PDS5B: variants seen among roughly 807,000 people sequenced by gnomAD.
PDS5B encodes PDS5 cohesin associated factor B.
PDS5B carries 51 observed loss-of-function variants against 184.1 expected under a neutral mutation model. That is an observed-to-expected ratio of 0.28 (90% confidence interval 0.22 to 0.35). The LOEUF is 0.35. PDS5B is among the 10% of genes least tolerant of loss of function. PDS5B has a pLI of 1.00. For synonymous variants in PDS5B, 566 were observed against 569.2 expected, an observed-to-expected ratio of 0.99 and a Z score of 0.08; for missense variants, 1,180 against 1,723.3, an observed-to-expected ratio of 0.68 and a Z score of 5.58.
intron 12 of PDS5B, 55 bp from the exon 13 acceptor site, chr13:32,688,401 C>T: frequency 1.2e-6 from 1 of 833,734 alleles, no homozygotes. Flanking sequence ...ATTTTATATA[C>T]AACTTTAGAA....
At chr13:32,724,726 C>T (rs972489472) in intron 19 of PDS5B, among the ~76,000 whole-genome samples, 6 of 152,062 alleles carry the variant, frequency 3.9e-5, no homozygotes, top group Non-Finnish European at 8.8e-5. Context: ...ACTACAGGCG[C>T]ATGTCACCAT....
At position 32,731,547 on chromosome 13, in the gene PDS5B, A is replaced by G. The variant is rs143593779; in HGVS notation, c.2124-554A>G. Among the ~76,000 whole-genome samples the G allele has an allele frequency of 2.0e-5, 3 of 152,218 alleles. 1 individual carries two copies. The highest frequency in any genetic ancestry group is 7.2e-5 in the African/African-American group (3 of 41,468). On this transcript the variant is annotated intron_variant, in intron 19 of 34. Transcript: ENST00000315596. ...TCTGTAGCAGTTCTCACAGTTTAACATAACATTTATTTTGTTAATTTATCT... is the reference window on the plus strand; with the variant it reads ...TCTGTAGCAGTTCTCACAGTTTAACGTAACATTTATTTTGTTAATTTATCT...
chr13:32,685,113 C>CA (rs1262430319), intron 11 of PDS5B, among the ~76,000 whole-genome samples: 6 of 151,902 alleles, frequency 3.9e-5, no homozygotes, highest in South Asian at 4.2e-4. Flanking sequence ...GACTCCGTCT[C>CA]AAAAAAAACA....
chr13:32,592,464 C>T (rs962674620), intron 1 of PDS5B, among the ~76,000 whole-genome samples: 1 of 152,050 alleles, frequency 6.6e-6, no homozygotes, highest in Middle Eastern at 3.4e-3. Flanking sequence ...ACCATGCTGG[C>T]CAGGCTGGTC....
chr13:32,620,932 G>A (rs2058292142), intron 1 of PDS5B, among the ~76,000 whole-genome samples: 1 of 152,206 alleles, frequency 6.6e-6, no homozygotes, highest in Non-Finnish European at 1.5e-5. Flanking sequence ...AGTAAACCAA[G>A]CTTGGTTGGG....
intron 15 of PDS5B, among the ~76,000 whole-genome samples, chr13:32,698,730 T>C (rs575730330): frequency 6.6e-6 from 1 of 152,204 alleles, no homozygotes; most frequent in East Asian, 1.9e-4. Context: ...GAATTTCTAC[T>C]ACTATTTCGA....
At chr13:32,684,940 C>T (rs185639701) in intron 11 of PDS5B, among the ~76,000 whole-genome samples, 2 of 152,220 alleles carry the variant, frequency 1.3e-5, no homozygotes, top group South Asian at 2.1e-4. Context: ...GGCGAAATCC[C>T]GTCTCTACTA....
intron 19 of PDS5B, among the ~76,000 whole-genome samples, chr13:32,728,806 G>C (rs1429725806): frequency 6.6e-6 from 1 of 152,138 alleles, no homozygotes; most frequent in Non-Finnish European, 1.5e-5. Flanking sequence ...TTTAAGGCAG[G>C]AGAGTAAATA....
intron 1 of PDS5B, among the ~76,000 whole-genome samples, chr13:32,598,678 T>G (rs188390632): frequency 2.6e-5 from 4 of 152,220 alleles, no homozygotes; most frequent in Non-Finnish European, 5.9e-5. Flanking sequence ...AGCATCAGTT[T>G]TCATTACTTT....
rs1163950827 is a variant in PDS5B, at chr13:32,683,887, A to T, written c.1067A>T (p.Lys356Ile). ...AAATGTTATCTTTCAGAGTATCTTA[A>T]AGTGAGGTCACATGACCCTGAGGAA... ...DLAKDLTEYL[K>I]VRSHDPEEAI... Residue 356 changes from lysine to isoleucine, a missense_variant, in exon 11 of 35, where the codon AAA becomes ATA. Physicochemically the swap from Lys to Ile is moderately radical, Grantham distance 102. Transcript: ENST00000315596. 6.3e-7 allele frequency: 1 copy of T among 1,592,286 alleles called. No homozygotes were observed. Among genetic ancestry groups the T allele is most frequent in the Non-Finnish European group, 8.6e-7 (1 of 1,164,692 alleles).
intron 24 of PDS5B, among the ~76,000 whole-genome samples, chr13:32,746,908 A>G (rs1394645413): frequency 6.6e-6 from 1 of 152,234 alleles, no homozygotes; most frequent in Non-Finnish European, 1.5e-5. Flanking sequence ...GAGTATGCAA[A>G]TTCCTAAATA....
At chr13:32,600,693 C>G (rs374958246) in intron 1 of PDS5B, among the ~76,000 whole-genome samples, 3 of 152,276 alleles carry the variant, frequency 2.0e-5, no homozygotes, top group African/African-American at 4.8e-5. Flanking sequence ...GAGCCGAGAT[C>G]GTGCCACTGC....
chr13:32,652,463 C>T (rs1411769969), intron 3 of PDS5B: 3 of 154,332 alleles, frequency 1.9e-5, no homozygotes, highest in Admixed American at 6.4e-5. Context: ...ACAGGCCAGG[C>T]GCAGTGGCTC....
Position 32,701,355 on chromosome 13 carries a change from A to C in PDS5B, c.1773A>C (p.Lys591Asn). The C allele has an allele frequency of 6.2e-7, 1 of 1,612,582 alleles. No individual in the cohort carries two copies. The highest frequency in any genetic ancestry group is 2.2e-5 in the East Asian group (1 of 44,784). The change falls in exon 17 of 35, where the codon AAA (lysine) becomes AAC (asparagine). Residue 591 changes from lysine (K) to asparagine (N), a missense_variant. Around this residue, in one of 11 missense-constraint regions of PDS5B, gnomAD observed 475 missense variants for 691.5 expected, o/e 0.69. Coordinates refer to ENST00000315596, the MANE Select transcript of PDS5B (RefSeq NM_015032.4). ...TAACTAAGAAGTTGGGCAACCCCAA[A>C]CAGCCTACAAATCCTTTCCTGGAAA... Reference protein sequence around the residue: ...REITKKLGNPKQPTNPFLEMI... With the variant: ...REITKKLGNPNQPTNPFLEMI...
intron 1 of PDS5B, among the ~76,000 whole-genome samples, chr13:32,633,824 T>G (rs1274376561): frequency 6.6e-6 from 1 of 152,206 alleles, no homozygotes; most frequent in African/African-American, 2.4e-5. Context: ...TTTAATGAGG[T>G]AGAATTAATA....
rs751828621 is a variant in PDS5B, at chr13:32,651,791, T to C, written c.109-13T>C. ...TGGAGCATTTCATTATTTGATTTTTTATTTTTGTATAGATGGTTGTGAAAA... is the reference window on the plus strand; with the variant it reads ...TGGAGCATTTCATTATTTGATTTTTCATTTTTGTATAGATGGTTGTGAAAA... On this transcript the variant is annotated splice_polypyrimidine_tract_variant and intron_variant, in intron 2 of 34. Coordinates refer to ENST00000315596, the MANE Select transcript of PDS5B (RefSeq NM_015032.4). 5 of 1,528,014 alleles carry C rather than the reference T, an allele frequency of 3.3e-6. No homozygotes were observed. The highest frequency in any genetic ancestry group is 4.5e-6 in the Non-Finnish European group (5 of 1,108,730). The allele number at this position is 1,528,014 out of a possible 1,614,324, so 94.7% of individuals were successfully genotyped here. A position where few individuals can be genotyped will look rare whatever the true frequency, so the allele number is the denominator to read the frequency against.
chr13:32,715,750 A>C (rs936499140), intron 19 of PDS5B, among the ~76,000 whole-genome samples: 1 of 151,284 alleles, frequency 6.6e-6, no homozygotes, highest in African/African-American at 2.4e-5. Flanking sequence ...GCTCACTGCA[A>C]CCTCCCTGCC....
intron 24 of PDS5B, 46 bp from the exon 25 acceptor site, chr13:32,753,286 C>G (rs1555316981): frequency 1.3e-6 from 2 of 1,497,658 alleles, no homozygotes; most frequent in South Asian, 1.2e-5. Context: ...AGTTGTTACT[C>G]TTTGCTGCCA....
intron 27 of PDS5B, 106 bp from the exon 28 acceptor site, chr13:32,758,428 A>C: frequency 8.6e-7 from 1 of 1,157,090 alleles, no homozygotes; most frequent in Non-Finnish European, 1.2e-6. Context: ...TGTTGCTTTC[A>C]TTAGTTTGCT....
Sources: allele counts gnomAD v4.1 joint callset (sites outside exome capture counted in the v4.1 genomes callset), GRCh38; gene constraint gnomAD v4.1.1; regional missense constraint gnomAD v4.1.1; transcripts MANE v1.5; gene names NCBI Gene and HGNC (gene_info 2026-07-23, HGNC 2026-07-21).